Variants in PAK5 observed in about 807,000 individuals in gnomAD.
PAK5 encodes the protein serine/threonine-protein kinase PAK 5.
Under a neutral mutation model 65.9 loss-of-function variants are expected in PAK5, and 16 were observed. That is an observed-to-expected ratio of 0.24 (90% CI 0.16 to 0.37). PAK5 has a LOEUF of 0.37. Among genes scored for constraint, PAK5 ranks in the 10% least tolerant of loss-of-function variants. The pLI is 1.00. For missense variants in PAK5, 785 were observed against 903.9 expected (o/e 0.87, Z 1.69); for synonymous variants, 371 against 354.9 (o/e 1.05, Z -0.51).
rs148301472 is a variant in PAK5, at chr20:9,788,011, A to G, written c.-162+50751T>C. 2.1e-3 allele frequency among the ~76,000 whole-genome samples: 326 copies of G among 151,924 alleles called. 1 individual carries two copies. The highest frequency in any genetic ancestry group is 7.5e-3 in the African/African-American group (309 of 41,406). On this transcript the variant is annotated intron_variant, in intron 1 of 9. Transcript: ENST00000353224. ...GGGGGGTATGTGTGAGTACCCATAT[A>G]CAATTGAATAAACAAAAGCTAGTGC...
At chr20:9,579,284 T>C (rs947686790) in intron 4 of PAK5, among the ~76,000 whole-genome samples, 1 of 152,220 alleles carries the variant, frequency 6.6e-6, no homozygotes, top group Non-Finnish European at 1.5e-5. Flanking sequence ...CATGTTCTTT[T>C]GCTGGACAGG....
At chr20:9,634,465 T>G (rs1303861327) in intron 3 of PAK5, among the ~76,000 whole-genome samples, 1 of 152,232 alleles carries the variant, frequency 6.6e-6, no homozygotes, top group Non-Finnish European at 1.5e-5. Context: ...AATCTTAAAG[T>G]GGCTTATGTA....
chr20:9,743,148 G>A (rs140093963), intron 1 of PAK5, among the ~76,000 whole-genome samples: 3 of 151,960 alleles, frequency 2.0e-5, no homozygotes, highest in African/African-American at 4.8e-5. Flanking sequence ...CAGGAGGATC[G>A]CTTGAGCCCA....
intron 1 of PAK5, among the ~76,000 whole-genome samples, chr20:9,802,937 T>TATATATATA (rs1436279274): frequency 1.3e-4 from 18 of 133,620 alleles, no homozygotes; most frequent in South Asian, 2.5e-4. Flanking sequence ...TATATATGAA[T>TATATATATA]TACTAATAGC....
intron 4 of PAK5, chr20:9,575,860 T>A (rs1351722374): frequency 2.0e-5 from 3 of 152,178 alleles, no homozygotes; most frequent in Non-Finnish European, 4.4e-5. Flanking sequence ...TTGGAGTCAG[T>A]GGGACCTAGT....
chr20:9,722,759 A>G (rs1400228762), intron 1 of PAK5, among the ~76,000 whole-genome samples: 1 of 146,078 alleles, frequency 6.8e-6, no homozygotes, highest in African/African-American at 2.6e-5. Flanking sequence ...TTTTTTTTTT[A>G]GAAGGCTTGC....
At chr20:9,717,192 G>A (rs1350784196) in intron 1 of PAK5, among the ~76,000 whole-genome samples, 2 of 152,050 alleles carry the variant, frequency 1.3e-5, no homozygotes, top group Admixed American at 6.5e-5. Context: ...TTAACAAAAG[G>A]TACAGATGTC....
intron 3 of PAK5, among the ~76,000 whole-genome samples, chr20:9,582,580 C>G (rs1025558573): frequency 1.3e-5 from 2 of 152,186 alleles, no homozygotes; most frequent in African/African-American, 4.8e-5. Flanking sequence ...CACAGTCACA[C>G]TCCCCTTCCC....
chr20:9,665,131 G>A (rs987188410), intron 2 of PAK5, among the ~76,000 whole-genome samples: 1 of 129,044 alleles, frequency 7.7e-6, no homozygotes, highest in East Asian at 2.4e-4. Flanking sequence ...TGTTGCCTAG[G>A]CTGGTCTCAA....
At chr20:9,709,958 A>G (rs547959232) in intron 2 of PAK5, among the ~76,000 whole-genome samples, 2 of 152,340 alleles carry the variant, frequency 1.3e-5, no homozygotes, top group East Asian at 3.9e-4. Context: ...TGCACAGAGG[A>G]TAAGTTTCTC....
intron 7 of PAK5, among the ~76,000 whole-genome samples, chr20:9,550,731 G>GGTGTGGGTGTGTGT (rs1555894638): frequency 4.7e-5 from 7 of 148,460 alleles, no homozygotes; most frequent in Admixed American, 4.0e-4. Context: ...CCATAATTGT[G>GGTGTGGGTGTGTGT]GTGTGTGTGT....
At chr20:9,828,683 A>G (rs894791814) in intron 1 of PAK5, among the ~76,000 whole-genome samples, 3 of 152,240 alleles carry the variant, frequency 2.0e-5, no homozygotes, top group African/African-American at 7.2e-5. Flanking sequence ...AGTGACCATT[A>G]GAAGCAAACA....
At chr20:9,640,422 T>C (rs963459077) in intron 3 of PAK5, among the ~76,000 whole-genome samples, 1 of 152,038 alleles carries the variant, frequency 6.6e-6, no homozygotes, top group African/African-American at 2.4e-5. Flanking sequence ...TAGTATTCCA[T>C]GGTATATATG....
Position 9,544,436 on chromosome 20 carries a change from T to C in PAK5, c.1802A>G (p.Lys601Arg). The change falls in exon 8 of 10, where the codon AAA (lysine) becomes AGA (arginine). Residue 601 changes from lysine (K) to arginine (R), a missense_variant. Transcript: ENST00000353224. ...AQVSKEVPKR[K>R]SLVGTPYWMA... ...CCAGTAGGGAGTGCCAACCAATGAT[T>C]TCCTCTTCGGCACCTCTTTGGAAAC... 3 of 1,613,992 alleles carry C rather than the reference T, an allele frequency of 1.9e-6. No homozygotes were observed. Among genetic ancestry groups the C allele is most frequent in the Non-Finnish European group, 2.5e-6 (3 of 1,179,842 alleles).
chr20:9,572,563 G>T (rs2045808952), intron 4 of PAK5, among the ~76,000 whole-genome samples: 1 of 152,160 alleles, frequency 6.6e-6, no homozygotes, highest in Non-Finnish European at 1.5e-5. Context: ...ACCTATCTTT[G>T]GTATTGTGAA....
chr20:9,629,479 T>C (rs4141530), intron 3 of PAK5, among the ~76,000 whole-genome samples: 105,763 of 138,688 alleles, frequency 0.76, 37,445 homozygotes, highest in African/African-American at 0.8. Context: ...TCCTCCTCCT[T>C]TTTTTTTTTG....
chr20:9,691,272 A>G lies in PAK5; in HGVS notation c.-12+20014T>C, dbSNP rs553455827. On this transcript the variant is annotated intron_variant, in intron 2 of 9. Coordinates refer to ENST00000353224, the MANE Select transcript of PAK5 (RefSeq NM_177990.4). ...TAAAACCCATAGAGTCCCAACAGAC[A>G]TCTGTACCAAAAGAGGAAAGCACTT... Among the ~76,000 whole-genome samples the G allele has an allele frequency of 5.3e-5, 8 of 152,320 alleles. No homozygotes were observed. In the South Asian group the frequency reaches 1.5e-3, roughly 28 times the overall value.
chr20:9,606,353 G>A (rs1038168144), intron 3 of PAK5, among the ~76,000 whole-genome samples: 5 of 152,088 alleles, frequency 3.3e-5, no homozygotes, highest in African/African-American at 1.2e-4. Flanking sequence ...CATGCTTCCT[G>A]TGCAGCCTGC....
At chr20:9,601,658 C>G (rs529246256) in intron 3 of PAK5, among the ~76,000 whole-genome samples, 1 of 152,140 alleles carries the variant, frequency 6.6e-6, no homozygotes, top group Non-Finnish European at 1.5e-5. Context: ...GAGTGGGACC[C>G]ACTGACTTTG....
Sources: gnomAD v4.1 joint callset for allele counts (sites outside exome capture counted in the v4.1 genomes callset) on GRCh38, gnomAD v4.1.1 for gene constraint, MANE v1.5 for transcripts, NCBI Gene and HGNC (gene_info 2026-07-23, HGNC 2026-07-21) for gene names.